The following ROBO1 variants were observed in gnomAD, a reference collection of about 807,000 sequenced individuals.
ROBO1 encodes roundabout homolog 1.
A neutral mutation model predicts 195.9 loss-of-function variants in ROBO1; 149 were observed. That is an observed-to-expected ratio of 0.76 (90% confidence interval 0.67 to 0.87). ROBO1 has a LOEUF of 0.87. Among genes scored for constraint, ROBO1 ranks in the 40% least tolerant of loss-of-function variants. The pLI, the probability that ROBO1 is intolerant of heterozygous loss-of-function variation, is 0.00. For missense variants in ROBO1, 1,933 were observed against 2,068.3 expected (o/e 0.93, Z 1.27); for synonymous variants, 816 against 733.2 (o/e 1.11, Z -1.82).
At chr3:79,554,056 A>G (rs571115779) in intron 2 of ROBO1, among the ~76,000 whole-genome samples, 46 of 150,938 alleles carry the variant, frequency 3.0e-4, no homozygotes, top group African/African-American at 9.9e-4. Context: ...AATGATGGTT[A>G]TATGTCATTT....
chr3:78,909,429 A>C (rs895274138), intron 4 of ROBO1, among the ~76,000 whole-genome samples: 2 of 151,858 alleles, frequency 1.3e-5, no homozygotes, highest in Non-Finnish European at 2.9e-5. Flanking sequence ...TACTGTTAAT[A>C]GCATGAGAGT....
intron 2 of ROBO1, among the ~76,000 whole-genome samples, chr3:79,148,637 G>T (rs1161235923): frequency 1.3e-5 from 2 of 151,756 alleles, no homozygotes; most frequent in Non-Finnish European, 2.9e-5. Flanking sequence ...AGGTCTAATG[G>T]ATTAGACCTG....
intron 2 of ROBO1, among the ~76,000 whole-genome samples, chr3:79,435,532 A>G (rs1199131517): frequency 6.6e-6 from 1 of 152,160 alleles, no homozygotes; most frequent in East Asian, 1.9e-4. Context: ...AGTAGATAAT[A>G]AAGAGCAATT....
At chr3:78,860,302 CTATATATAT>C (rs2034736130) in intron 4 of ROBO1, among the ~76,000 whole-genome samples, 1 of 104,752 alleles carries the variant, frequency 9.5e-6, no homozygotes, top group African/African-American at 3.9e-5. Flanking sequence ...TTGAAATATA[CTATATATAT>C]ATATATATAT....
intron 3 of ROBO1, among the ~76,000 whole-genome samples, chr3:79,084,644 G>C (rs889833132): frequency 6.6e-6 from 1 of 151,968 alleles, no homozygotes; most frequent in Non-Finnish European, 1.5e-5. Context: ...TATTATTATC[G>C]TTTAGCTATA....
Position 78,668,572 on chromosome 3 carries a change from A to C in ROBO1, c.1549-7T>G. ...ACCGACCAGTATCACCCAGCTGAGA[A>C]GGCAGACAAAAAATAAATATTTGGA... On this transcript the variant is annotated splice_polypyrimidine_tract_variant and splice_region_variant and intron_variant, in intron 11 of 30. Coordinates refer to ENST00000464233, the MANE Select transcript of ROBO1 (RefSeq NM_002941.4). 1 of 1,612,274 alleles carries C rather than the reference A, an allele frequency of 6.2e-7. No homozygotes were observed. Among genetic ancestry groups the C allele is most frequent in the East Asian group, 2.2e-5 (1 of 44,860 alleles).
chr3:79,323,793 C>A (rs1448536928), intron 2 of ROBO1, among the ~76,000 whole-genome samples: 1 of 152,258 alleles, frequency 6.6e-6, no homozygotes, highest in South Asian at 2.1e-4. Flanking sequence ...CCAGGTGTAA[C>A]TACAGTAGCC....
At chr3:79,283,117 C>T (rs181338389) in intron 2 of ROBO1, among the ~76,000 whole-genome samples, 1 of 152,220 alleles carries the variant, frequency 6.6e-6, no homozygotes, top group East Asian at 1.9e-4. Flanking sequence ...ATTCTTTGTA[C>T]CTAATTAGCA....
chr3:79,234,608 T>C (rs2082375911), intron 2 of ROBO1, among the ~76,000 whole-genome samples: 2 of 152,142 alleles, frequency 1.3e-5, no homozygotes, highest in South Asian at 2.1e-4. Context: ...GAAGAAAATA[T>C]GGTACATATA....
At position 78,600,285 on chromosome 3, in the gene ROBO1, G is replaced by C; in HGVS notation, c.4769C>G (p.Pro1590Arg). 6.2e-7 allele frequency: 1 copy of C among 1,611,248 alleles called. No homozygotes were observed. The highest frequency in any genetic ancestry group is 8.5e-7 in the Non-Finnish European group (1 of 1,177,610). ...GGGATTATTTGATGTTGGAAAAGTA[G>C]GTCTACAATAAGGTAGAATATCCTC... is the stretch of plus-strand genomic sequence containing the variant. The part of the protein sequence containing the change: ...IQEDILPYCR[P>R]TFPTSNNPRD... Residue 1590 changes from proline to arginine, a missense_variant, in exon 30 of 31, where the codon CCT (proline) becomes CGT (arginine). Transcript: ENST00000464233.
intron 10 of ROBO1, among the ~76,000 whole-genome samples, chr3:78,677,455 C>T (rs1708508438): frequency 6.6e-6 from 1 of 151,852 alleles, no homozygotes; most frequent in South Asian, 2.1e-4. Flanking sequence ...CACACACAGG[C>T]TCAAAATAAA....
At position 79,054,536 on chromosome 3, in the gene ROBO1, CA is replaced by C; in HGVS notation, c.172+70919del. Among the ~76,000 whole-genome samples the C allele has an allele frequency of 2.6e-5, 4 of 152,220 alleles. No individual in the cohort carries two copies. In the South Asian group the frequency reaches 8.3e-4, roughly 32 times the overall value. The stretch of plus-strand genomic sequence containing the variant: ...GTGAAGGCATTGGTTCAGACACCCA[CA>C]GAGCTATTCTGTGGGCATGGGCCAT... On this transcript the variant is annotated intron_variant, in intron 3 of 30. Transcript: ENST00000464233.
intron 2 of ROBO1, among the ~76,000 whole-genome samples, chr3:79,252,071 T>C (rs143360303): frequency 6.6e-6 from 1 of 152,264 alleles, no homozygotes; most frequent in African/African-American, 2.4e-5. Context: ...AACTCTATTG[T>C]AAATTTTATC....
intron 3 of ROBO1, among the ~76,000 whole-genome samples, chr3:79,028,377 AT>A (rs35906214): frequency 6.6e-5 from 10 of 151,894 alleles, no homozygotes; most frequent in Admixed American, 2.0e-4. Context: ...CATCATAAGA[AT>A]TTTTTTCCCA....
intron 2 of ROBO1, among the ~76,000 whole-genome samples, chr3:79,336,645 G>T (rs2034681428): frequency 6.6e-6 from 1 of 152,218 alleles, no homozygotes; most frequent in Non-Finnish European, 1.5e-5. Flanking sequence ...GGGAAATGTG[G>T]AGTTGGAACC....
chr3:78,918,280 G>C (rs913843330), intron 4 of ROBO1, among the ~76,000 whole-genome samples: 1 of 152,104 alleles, frequency 6.6e-6, no homozygotes, highest in African/African-American at 2.4e-5. Flanking sequence ...AAAGAAATCA[G>C]AGTGAAAAGC....
chr3:79,013,476 G>A (rs1235874723), intron 3 of ROBO1, among the ~76,000 whole-genome samples: 1 of 152,144 alleles, frequency 6.6e-6, no homozygotes, highest in African/African-American at 2.4e-5. Flanking sequence ...TTAATGACAG[G>A]AAGAATAATG....
chr3:79,486,266 A>G (rs1939155755), intron 2 of ROBO1, among the ~76,000 whole-genome samples: 1 of 151,976 alleles, frequency 6.6e-6, no homozygotes, highest in Non-Finnish European at 1.5e-5. Context: ...ATCCTCTTAT[A>G]TAAAAACAAT....
Position 79,441,384 on chromosome 3 carries a change from G to C in ROBO1, c.88+148440C>G, listed in dbSNP as rs369211603. Among the ~76,000 whole-genome samples the C allele has an allele frequency of 1.2e-3, 181 of 152,202 alleles. 1 individual carries two copies. Among genetic ancestry groups the C allele is most frequent in the African/African-American group, 4.1e-3 (171 of 41,550 alleles). ...GTATTACATATGCTTGTCTGTGTCT[G>C]TGTGATTTCAAACTATGTATTTCTG... On this transcript the variant is annotated intron_variant, in intron 2 of 30. Coordinates refer to ENST00000464233, the MANE Select transcript of ROBO1 (RefSeq NM_002941.4).
Sources: allele counts gnomAD v4.1 joint callset (sites outside exome capture counted in the v4.1 genomes callset), GRCh38; gene constraint gnomAD v4.1.1; transcripts MANE v1.5; gene names NCBI Gene and HGNC (gene_info 2026-07-23, HGNC 2026-07-21).